GGTLC1: variants seen among roughly 807,000 people sequenced by gnomAD.
The protein encoded by GGTLC1 is glutathione hydrolase light chain 1.
In GGTLC1, 14 loss-of-function variants were observed where a neutral mutation model predicts 19.5. The observed-to-expected ratio is 0.72, with a 90% CI of 0.47 to 1.12. GGTLC1 has a LOEUF of 1.12. Among genes scored for constraint, GGTLC1 ranks in the 50% most tolerant of loss-of-function variants. GGTLC1 has a pLI of 0.00. For missense variants in GGTLC1, 304 were observed against 309.2 expected (o/e 0.98, Z 0.13); for synonymous variants, 110 against 124.2 (o/e 0.89, Z 0.76).
In GGTLC1 at chr20:23,985,075, C is replaced by T. The variant is rs1987789612; in HGVS notation, c.*141G>A. ...GAGTGGGGAGACAGGCCAGGGAGGC[C>T]ACCTGGAGCCTGGCACAGTGGCCTC... is the stretch of plus-strand genomic sequence containing the variant. On this transcript the variant is annotated 3_prime_UTR_variant, in exon 6 of 6. Transcript: ENST00000335694. 1 of 1,306,544 alleles carries T rather than the reference C, an allele frequency of 7.7e-7. No homozygotes were observed. The highest frequency in any genetic ancestry group is 2.0e-5 in the Admixed American group (1 of 49,230). The allele number at this position is 1,306,544 out of a possible 1,614,324, so 80.9% of individuals were successfully genotyped here. A position where few individuals can be genotyped will look rare whatever the true frequency, so the allele number is the denominator to read the frequency against.
intron 1 of GGTLC1, among the ~76,000 whole-genome samples, chr20:23,987,159 T>C (rs1388327192): frequency 6.6e-6 from 1 of 152,104 alleles, no homozygotes; most frequent in Admixed American, 6.5e-5. Context: ...TATAGGCTGG[T>C]GAGCGATAGG....
intron 2 of GGTLC1, 64 bp from the exon 3 acceptor site, chr20:23,986,267 C>A: frequency 2.5e-6 from 4 of 1,592,996 alleles, no homozygotes; most frequent in Non-Finnish European, 3.4e-6. Flanking sequence ...CCTATCCACC[C>A]ACTGAGGCTC....
intron 4 of GGTLC1, 37 bp downstream of exon 4, chr20:23,985,825 G>C (rs368112171): frequency 1.8e-5 from 29 of 1,611,930 alleles, no homozygotes; most frequent in African/African-American, 5.3e-5. Context: ...GGCTGTGCAG[G>C]GTGGGCACGG....
intron 2 of GGTLC1, 111 bp from the exon 3 acceptor site, chr20:23,986,314 A>G: frequency 5.0e-6 from 8 of 1,605,618 alleles, no homozygotes; most frequent in Non-Finnish European, 6.8e-6. Context: ...TAAGCTACCA[A>G]GGTTGGGCCT....
intron 1 of GGTLC1, 164 bp from the exon 2 acceptor site, chr20:23,986,809 C>G: frequency 6.9e-7 from 1 of 1,441,524 alleles, no homozygotes; most frequent in Non-Finnish European, 9.2e-7. Flanking sequence ...CTGTCTCTGT[C>G]GCATTCCAGC....
In GGTLC1 at chr20:23,985,378, G is replaced by A. The variant is rs1263540413; in HGVS notation, c.532-16C>T. The A allele has an allele frequency of 1.2e-5, 20 of 1,611,576 alleles. No homozygotes were observed. Among genetic ancestry groups the A allele is most frequent in the Non-Finnish European group, 1.6e-5 (19 of 1,179,856 alleles). ...CAGTCACTTCCTGGGGGTGGGAGGAGAGGGGAAGCCTGAGCAGGGCTCCAG... is the reference window on the plus strand; with the variant it reads ...CAGTCACTTCCTGGGGGTGGGAGGAAAGGGGAAGCCTGAGCAGGGCTCCAG... On this transcript the variant is annotated splice_polypyrimidine_tract_variant and intron_variant, in intron 5 of 5. Coordinates refer to ENST00000335694, the MANE Select transcript of GGTLC1 (RefSeq NM_178311.3).
At position 23,985,928 on chromosome 20, in the gene GGTLC1, C is replaced by T; in HGVS notation, c.351G>A (p.Gln117=). The part of the protein sequence containing the change: ...SSMCPTIMVG[Q]DGQVRMVVGA... The stretch of plus-strand genomic sequence containing the variant: ...CCACCACCATCCGGACCTGGCCGTC[C>T]TGGCCCACCATGATCGTCGGGCACA... The change falls in exon 4 of 6, where the codon CAG becomes CAA. Residue 117 remains glutamine (Q), a synonymous_variant. Coordinates refer to ENST00000335694, the MANE Select transcript of GGTLC1 (RefSeq NM_178311.3). 6.2e-7 allele frequency: 1 copy of T among 1,612,030 alleles called. No individual in the cohort carries two copies. The highest frequency in any genetic ancestry group is 8.5e-7 in the Non-Finnish European group (1 of 1,179,858).
intron 5 of GGTLC1, 140 bp from the exon 6 acceptor site, chr20:23,985,502 C>T: frequency 2.5e-6 from 4 of 1,594,154 alleles, no homozygotes; most frequent in Non-Finnish European, 2.6e-6. Context: ...CCTGCTGGGT[C>T]TCATTGGAGC....
In GGTLC1 at chr20:23,985,319, A is replaced by T; in HGVS notation, c.575T>A (p.Ile192Asn). The T allele has an allele frequency of 6.2e-7, 1 of 1,611,984 alleles. No homozygotes were observed. The change falls in exon 6 of 6, where the codon ATC (isoleucine) becomes AAC (asparagine). Residue 192 changes from isoleucine (I) to asparagine (N), a missense_variant. Physicochemically the swap from Ile to Asn is moderately radical, Grantham distance 149 (BLOSUM62 -3). Transcript: ENST00000335694. ...CACCACAGCAATGAAGGTGGACGTG[A>T]TCTGGGTGTGATGGTGCCGGGTCTC... is the stretch of plus-strand genomic sequence containing the variant. ...ALETRHHHTQ[I>N]TSTFIAVVQA...
intron 5 of GGTLC1, 122 bp from the exon 6 acceptor site, chr20:23,985,484 G>C (rs868601906): frequency 6.2e-7 from 1 of 1,600,366 alleles, no homozygotes; most frequent in Admixed American, 1.7e-5. Flanking sequence ...AGGAAGAGCA[G>C]GTTGGGGCCT....
intron 1 of GGTLC1, 123 bp from the exon 2 acceptor site, chr20:23,986,768 G>A (rs1987951567): frequency 7.0e-7 from 1 of 1,434,342 alleles, no homozygotes; most frequent in Non-Finnish European, 9.4e-7. Flanking sequence ...CCAAGGGCAG[G>A]CCCAGGACCT....
intron 1 of GGTLC1, chr20:23,986,955 CTT>C: frequency 3.0e-6 from 2 of 656,886 alleles, no homozygotes; most frequent in Non-Finnish European, 4.7e-6. Context: ...GAAACAGACA[CTT>C]AGGTCCTGCC....
Position 23,986,505 on chromosome 20 carries a change from C to G in GGTLC1, c.107G>C (p.Gly36Ala), listed in dbSNP as rs749631518. The G allele has an allele frequency of 2.5e-6, 4 of 1,609,722 alleles. No individual in the cohort carries two copies. Among genetic ancestry groups the G allele is most frequent in the Middle Eastern group, 4.5e-4 (2 of 4,430 alleles). ...TGCGACCACAGACAGGTGAGCAGTG[C>G]CCCCGTCATCCGGCATGTAGAACTC... ...KPEFYMPDDG[G>A]TAHLSVVAED... The change falls in exon 2 of 6, where the codon GGC becomes GCC. Residue 36 changes from glycine to alanine, a missense_variant. By Grantham distance (60) the Gly-to-Ala change is moderately conservative. Transcript: ENST00000335694.
chr20:23,987,187 G>C (rs1317910571), intron 1 of GGTLC1, among the ~76,000 whole-genome samples: 1 of 152,222 alleles, frequency 6.6e-6, no homozygotes, highest in Non-Finnish European at 1.5e-5. Flanking sequence ...TGAATGGAGT[G>C]GGGTGGGGAG....
rs746150365 is a variant in GGTLC1 at position 23,985,304 on chromosome 20, A to G, written c.590T>C (p.Ile197Thr). The G allele has an allele frequency of 8.7e-6, 14 of 1,612,030 alleles. No homozygotes were observed. The Admixed American group carries it at 1.7e-4, about 19-fold the overall frequency. ...GCGGACGATGGCTTGCACCACAGCA[A>G]TGAAGGTGGACGTGATCTGGGTGTG... Reference protein sequence around the residue: ...HHHTQITSTFIAVVQAIVRMA... With the variant: ...HHHTQITSTFTAVVQAIVRMA... Residue 197 changes from isoleucine to threonine, a missense_variant, in exon 6 of 6, where the codon ATT becomes ACT. Physicochemically the swap from Ile to Thr is moderately conservative, Grantham distance 89. Transcript: ENST00000335694.
At chr20:23,985,839 G>A in intron 4 of GGTLC1, 23 bp downstream of exon 4, 1 of 1,612,060 alleles carries the variant, frequency 6.2e-7, no homozygotes, top group Non-Finnish European at 8.5e-7. Flanking sequence ...GGCACGGCCA[G>A]GGAGAAAAGG....
intron 1 of GGTLC1, among the ~76,000 whole-genome samples, chr20:23,988,356 C>G (rs925724086): frequency 6.6e-6 from 1 of 150,970 alleles, no homozygotes; most frequent in African/African-American, 2.4e-5. Context: ...TCTTTTTTTT[C>G]TTTTTCTTTA....
rs1286068838 is a variant in GGTLC1 at position 23,985,369 on chromosome 20, G to T, written c.532-7C>A. On this transcript the variant is annotated splice_region_variant and splice_polypyrimidine_tract_variant and intron_variant, in intron 5 of 5. Transcript: ENST00000335694. ...CCAGGGCTGCAGTCACTTCCTGGGG[G>T]TGGGAGGAGAGGGGAAGCCTGAGCA... is the stretch of plus-strand genomic sequence containing the variant. The T allele has an allele frequency of 2.5e-6, 4 of 1,611,694 alleles. No individual in the cohort carries two copies. The Admixed American group carries it at 5.0e-5, about 20-fold the overall frequency.
At chr20:23,986,321 G>A in intron 2 of GGTLC1, 115 bp downstream of exon 2, 2 of 1,603,568 alleles carry the variant, frequency 1.2e-6, no homozygotes, top group Non-Finnish European at 1.7e-6. Flanking sequence ...CCAAGGTTGG[G>A]CCTCAGTTTC....
Sources: allele counts gnomAD v4.1 joint callset (sites outside exome capture counted in the v4.1 genomes callset), GRCh38; gene constraint gnomAD v4.1.1; transcripts MANE v1.5; gene names NCBI Gene and HGNC (gene_info 2026-07-23, HGNC 2026-07-21).